AGBL4: variants seen among roughly 807,000 people sequenced by gnomAD.
AGBL4 encodes the protein AGBL carboxypeptidase 4, also known as cytosolic carboxypeptidase 6.
AGBL4 carries 58 observed loss-of-function variants against 66.4 expected under a neutral mutation model. The observed-to-expected ratio is 0.87, with a 90% CI of 0.71 to 1.09. AGBL4 has a LOEUF of 1.09. Ranked by LOEUF, AGBL4 falls within the 50% of genes least tolerant of loss-of-function variation. The pLI is 0.00. For synonymous variants in AGBL4, 234 were observed against 222.9 expected (o/e 1.05, Z -0.44); for missense variants, 579 against 631.0 (o/e 0.92, Z 0.88).
chr1:48,753,009 A>G (rs903810720), intron 6 of AGBL4, among the ~76,000 whole-genome samples: 1 of 152,156 alleles, frequency 6.6e-6, no homozygotes, highest in African/African-American at 2.4e-5. Flanking sequence ...CGGCCTCCCA[A>G]AGTGCTGGGA....
At position 48,736,138 on chromosome 1, in the gene AGBL4, A is replaced by C; in HGVS notation, c.635-72897T>G. 87 of 1,261,452 alleles carry C rather than the reference A, an allele frequency of 6.9e-5. No individual in the cohort carries two copies. The highest frequency in any genetic ancestry group is 8.6e-5 in the Non-Finnish European group (75 of 873,746). The allele number at this position is 1,261,452 out of a possible 1,614,324, so 78.1% of individuals were successfully genotyped here. A position where few individuals can be genotyped will look rare whatever the true frequency, so the allele number is the denominator to read the frequency against. On this transcript the variant is annotated intron_variant, in intron 6 of 13. Coordinates refer to ENST00000371839, the MANE Select transcript of AGBL4 (RefSeq NM_032785.4). The surrounding 1 kb of genome is among the most constrained non-coding windows in gnomAD (Gnocchi z 4.0). Reference sequence around the variant, plus strand: ...GGGCTCAGCCCAGGGTCTGGCATGCAGAAGCTTCATAAGTAATCGTTGAAT... The same window carrying C: ...GGGCTCAGCCCAGGGTCTGGCATGCCGAAGCTTCATAAGTAATCGTTGAAT...
intron 4 of AGBL4, among the ~76,000 whole-genome samples, chr1:49,228,197 C>A (rs1162603182): frequency 6.6e-6 from 1 of 152,140 alleles, no homozygotes; most frequent in African/African-American, 2.4e-5. Context: ...AAAGGTCATA[C>A]TATAAATATT....
chr1:49,717,817 C>T (rs1648275920), intron 2 of AGBL4, among the ~76,000 whole-genome samples: 1 of 151,878 alleles, frequency 6.6e-6, no homozygotes, highest in African/African-American at 2.4e-5. Context: ...AAGCTAACCT[C>T]AAAAGTTGTT....
chr1:49,006,770 G>C (rs1661870218), intron 5 of AGBL4, among the ~76,000 whole-genome samples: 1 of 151,916 alleles, frequency 6.6e-6, no homozygotes, highest in Non-Finnish European at 1.5e-5. Flanking sequence ...GGGGCACACT[G>C]ACACCTCACA....
intron 4 of AGBL4, among the ~76,000 whole-genome samples, chr1:49,145,955 C>A (rs183615670): frequency 2.0e-5 from 3 of 152,090 alleles, no homozygotes; most frequent in Admixed American, 2.0e-4. Flanking sequence ...TCATTTGCAA[C>A]GACATGGATG....
chr1:49,832,820 C>T (rs1439922333), intron 2 of AGBL4, among the ~76,000 whole-genome samples: 2 of 152,078 alleles, frequency 1.3e-5, no homozygotes, highest in Admixed American at 6.6e-5. Context: ...TGTTCATGTC[C>T]TTTGCCCACT....
At chr1:49,830,999 C>T (rs1302708711) in intron 2 of AGBL4, among the ~76,000 whole-genome samples, 12 of 152,002 alleles carry the variant, frequency 7.9e-5, no homozygotes, top group African/African-American at 1.7e-4. Flanking sequence ...CATGCTGTTT[C>T]GGTTATTGTA....
At chr1:49,108,289 G>C (rs890608320) in intron 4 of AGBL4, among the ~76,000 whole-genome samples, 1 of 152,116 alleles carries the variant, frequency 6.6e-6, no homozygotes, top group Non-Finnish European at 1.5e-5. Flanking sequence ...CACTATTCTA[G>C]ATACCTGGGA....
rs531305560 is a variant in AGBL4 at position 49,677,750 on chromosome 1, A to G, written c.282+19563T>C. On this transcript the variant is annotated intron_variant, in intron 3 of 13. Coordinates refer to ENST00000371839, the MANE Select transcript of AGBL4 (RefSeq NM_032785.4). ...GGGAGTTAGGGAGGTGATTAGCTTTAGATGAGGTCATAAAGGTGGGGTCCT... is the reference window on the plus strand; with the variant it reads ...GGGAGTTAGGGAGGTGATTAGCTTTGGATGAGGTCATAAAGGTGGGGTCCT... Among the ~76,000 whole-genome samples, 12 of 152,238 alleles carry G rather than the reference A, an allele frequency of 7.9e-5. No individual in the cohort carries two copies. In the South Asian group the frequency reaches 2.5e-3, roughly 32 times the overall value.
At chr1:48,692,105 T>C (rs1557882137) in intron 6 of AGBL4, among the ~76,000 whole-genome samples, 1 of 152,208 alleles carries the variant, frequency 6.6e-6, no homozygotes, top group Non-Finnish European at 1.5e-5. Flanking sequence ...AAGATTTTTC[T>C]AATCAGGTTG....
intron 6 of AGBL4, among the ~76,000 whole-genome samples, chr1:48,732,275 G>A (rs1648263399): frequency 3.9e-5 from 6 of 152,086 alleles, no homozygotes; most frequent in Admixed American, 3.9e-4. Context: ...ATGTCATGTG[G>A]GCATCTGTGA....
intron 2 of AGBL4, among the ~76,000 whole-genome samples, chr1:49,831,674 T>C (rs1301387483): frequency 1.3e-5 from 2 of 152,190 alleles, no homozygotes; most frequent in African/African-American, 4.8e-5. Context: ...AGAGAAGGCA[T>C]CCTTGTCCTG....
intron 2 of AGBL4, among the ~76,000 whole-genome samples, chr1:49,765,427 A>G (rs763048621): frequency 3.6e-4 from 55 of 152,212 alleles, no homozygotes; most frequent in Admixed American, 1.7e-3. Flanking sequence ...AAAAATATAT[A>G]TACACATATG....
intron 3 of AGBL4, among the ~76,000 whole-genome samples, chr1:49,413,016 T>G (rs1645348880): frequency 6.6e-6 from 1 of 152,164 alleles, no homozygotes; most frequent in Non-Finnish European, 1.5e-5. Context: ...GAAGCAATTC[T>G]AATAGAATGG....
intron 5 of AGBL4, among the ~76,000 whole-genome samples, chr1:48,970,878 C>T (rs1388187987): frequency 2.0e-5 from 3 of 152,068 alleles, no homozygotes; most frequent in Admixed American, 6.6e-5. Context: ...ACACAGTAAC[C>T]TCCAGAATAA....
intron 2 of AGBL4, among the ~76,000 whole-genome samples, chr1:49,837,412 A>C (rs565325745): frequency 2.0e-5 from 3 of 152,226 alleles, no homozygotes; most frequent in African/African-American, 4.8e-5. Context: ...CTGTATACAT[A>C]AACTCCATTT....
intron 5 of AGBL4, among the ~76,000 whole-genome samples, chr1:48,873,867 CT>C (rs1648941955): frequency 6.6e-6 from 1 of 152,040 alleles, no homozygotes; most frequent in Non-Finnish European, 1.5e-5. Context: ...TAAAAATTCA[CT>C]TTTCGTTTTG....
chr1:48,900,936 T>C (rs1194807589), intron 5 of AGBL4, among the ~76,000 whole-genome samples: 2 of 152,072 alleles, frequency 1.3e-5, no homozygotes, highest in African/African-American at 4.8e-5. Flanking sequence ...AGACAAACCA[T>C]AGATTAGGAG....
chr1:49,239,854 A>G (rs1293592505), intron 4 of AGBL4, among the ~76,000 whole-genome samples: 3 of 152,076 alleles, frequency 2.0e-5, no homozygotes, highest in Non-Finnish European at 2.9e-5. Flanking sequence ...TAAATAATAT[A>G]TTGTAGTTTG....
Sources: allele counts gnomAD v4.1 joint callset (sites outside exome capture counted in the v4.1 genomes callset), GRCh38; gene constraint gnomAD v4.1.1; non-coding constraint Gnocchi (gnomAD v3.1); transcripts MANE v1.5; gene names NCBI Gene and HGNC (gene_info 2026-07-23, HGNC 2026-07-21).